FNBP1: variants seen among roughly 807,000 people sequenced by gnomAD.
The protein encoded by FNBP1 is formin-binding protein 1.
A neutral mutation model predicts 90.6 loss-of-function variants in FNBP1; 26 were observed. The ratio of observed to expected loss-of-function variants is 0.29; its 90% CI spans 0.21 to 0.40. The LOEUF (loss-of-function observed/expected upper bound fraction) is 0.40. FNBP1 is among the 10% of genes least tolerant of loss of function. FNBP1 has a pLI of 1.00. For synonymous variants in FNBP1, 260 were observed against 265.2 expected (o/e 0.98, Z 0.19); for missense variants, 635 against 768.0 (o/e 0.83, Z 2.05).
intron 1 of FNBP1, among the ~76,000 whole-genome samples, chr9:130,034,983 C>CA (rs1293086573): frequency 2.6e-5 from 4 of 151,682 alleles, no homozygotes; most frequent in Non-Finnish European, 5.9e-5. Context: ...CCCGTCTCTA[C>CA]AAAAAAAATA....
chr9:130,037,046 A>AAC (rs1444841442), intron 1 of FNBP1, among the ~76,000 whole-genome samples: 1 of 147,188 alleles, frequency 6.8e-6, no homozygotes, highest in African/African-American at 2.5e-5. Context: ...CTCCATCTCA[A>AAC]AAAAAAAAAA....
At chr9:129,977,837 A>G (rs187386572) in intron 4 of FNBP1, among the ~76,000 whole-genome samples, 5 of 151,996 alleles carry the variant, frequency 3.3e-5, no homozygotes, top group Admixed American at 2.6e-4. Context: ...AGCATACACC[A>G]TATTATATTA....
intron 1 of FNBP1, among the ~76,000 whole-genome samples, chr9:130,032,460 C>T (rs930817181): frequency 2.0e-5 from 3 of 152,252 alleles, no homozygotes; most frequent in East Asian, 1.9e-4. Flanking sequence ...TATGAGCCAC[C>T]GTGCCTGGCC....
At chr9:129,956,965 A>T (rs1554814742) in intron 6 of FNBP1, among the ~76,000 whole-genome samples, 1 of 152,102 alleles carries the variant, frequency 6.6e-6, no homozygotes, top group Non-Finnish European at 1.5e-5. Flanking sequence ...CTACATTAGA[A>T]ATGAGAACTT....
chr9:129,923,985 G>A lies in FNBP1; in HGVS notation c.1029C>T (p.Pro343=), dbSNP rs2041508275. The change falls in exon 10 of 17, where the codon CCC becomes CCT. Residue 343 remains proline (P), a synonymous_variant. Coordinates refer to ENST00000446176, the MANE Select transcript of FNBP1 (RefSeq NM_015033.3). ...LLTSPHQPPP[P]PPASASPSAV... ...CAGAGGGTGAGGCAGAGGCAGGAGG[G>A]GGAGGGGGAGGCTGATGGGGGGATG... 5 of 1,527,890 alleles carry A rather than the reference G, an allele frequency of 3.3e-6. No homozygotes were observed. Among genetic ancestry groups the A allele is most frequent in the Non-Finnish European group, 4.4e-6 (5 of 1,138,984 alleles). 94.6% of individuals were successfully genotyped at this position (1,527,890 alleles called of 1,614,324 possible). A position where few individuals can be genotyped will look rare whatever the true frequency, so the allele number is the denominator to read the frequency against.
chr9:129,912,675 A>C (rs1473539501), intron 11 of FNBP1, among the ~76,000 whole-genome samples: 3 of 136,622 alleles, frequency 2.2e-5, no homozygotes, highest in Admixed American at 8.1e-5. Context: ...GGACAACATG[A>C]GTAAAACTCC....
At chr9:130,029,295 G>A (rs1204579874) in intron 1 of FNBP1, among the ~76,000 whole-genome samples, 1 of 151,876 alleles carries the variant, frequency 6.6e-6, no homozygotes, top group African/African-American at 2.4e-5. Flanking sequence ...CTAATTTTTT[G>A]TAGAGATGGA....
intron 4 of FNBP1, among the ~76,000 whole-genome samples, chr9:129,973,646 G>A (rs1259628440): frequency 1.4e-5 from 2 of 146,696 alleles, no homozygotes; most frequent in East Asian, 4.1e-4. Flanking sequence ...GACTACAGGC[G>A]CCCGCCACCA....
In FNBP1 at chr9:129,927,315, C is replaced by T. The variant is rs767860839; in HGVS notation, c.669G>A (p.Arg223=). ...TCATGGACTCTCCCATTCTCACAATCCTCCTTTCCTCCATCTCTTGTATTT... is the reference window on the plus strand; with the variant it reads ...TCATGGACTCTCCCATTCTCACAATTCTCCTTTCCTCCATCTCTTGTATTT... The part of the protein sequence containing the change: ...FQKIQEMEER[R]IVRMGESMKT... Residue 223 remains arginine, a synonymous_variant, in exon 8 of 17, where the codon AGG becomes AGA. Transcript: ENST00000446176. 6.2e-7 allele frequency: 1 copy of T among 1,612,586 alleles called. No individual in the cohort carries two copies.
chr9:130,026,133 C>T (rs537425384), intron 1 of FNBP1, among the ~76,000 whole-genome samples: 4 of 152,072 alleles, frequency 2.6e-5, no homozygotes, highest in South Asian at 4.1e-4. Flanking sequence ...ATGAACCAAG[C>T]AGTCTAGCTC....
intron 6 of FNBP1, among the ~76,000 whole-genome samples, chr9:129,934,244 T>C (rs541388269): frequency 5.9e-5 from 9 of 152,312 alleles, no homozygotes; most frequent in Non-Finnish European, 5.9e-5. Flanking sequence ...ATTCTTTCAA[T>C]TAAATTAAAT....
rs2047180098 is a variant in FNBP1 at position 129,957,791 on chromosome 9, A to C, written c.409-327T>G. Among the ~76,000 whole-genome samples, 1 of 151,132 alleles carries C rather than the reference A, an allele frequency of 6.6e-6. No individual in the cohort carries two copies. The highest frequency in any genetic ancestry group is 2.1e-4 in the South Asian group (1 of 4,764). On this transcript the variant is annotated intron_variant, in intron 5 of 16. Transcript: ENST00000446176. The surrounding 1 kb of genome is among the most constrained non-coding windows in gnomAD (Gnocchi z 4.3). ...TGGTCTTGAGCTTCTGAGCTCAAGCAATCCTCCCGCCTCTGCCTCCCAAAT... is the reference window on the plus strand; with the variant it reads ...TGGTCTTGAGCTTCTGAGCTCAAGCCATCCTCCCGCCTCTGCCTCCCAAAT...
chr9:130,004,578 G>T (rs893982895), intron 1 of FNBP1, among the ~76,000 whole-genome samples: 1 of 152,172 alleles, frequency 6.6e-6, no homozygotes, highest in African/African-American at 2.4e-5. Context: ...GACTTAAATG[G>T]CTCTGTTTAA....
chr9:129,957,255 C>G lies in FNBP1; in HGVS notation c.513+105G>C. 1 of 765,358 alleles carries G rather than the reference C, an allele frequency of 1.3e-6. No homozygotes were observed. The highest frequency in any genetic ancestry group is 2.4e-5 in the Admixed American group (1 of 41,302). 47.4% of individuals were successfully genotyped at this position (765,358 alleles called of 1,614,324 possible). ...GTTTCACCATCTTGGCCAGGCTGGT[C>G]TCGAACTCCTGGCCTCAGGTGATCC... On this transcript the variant is annotated intron_variant, in intron 6 of 16. Transcript: ENST00000446176. The surrounding 1 kb of genome is among the most constrained non-coding windows in gnomAD (Gnocchi z 4.3).
At chr9:129,908,523 C>T (rs1349599654) in intron 12 of FNBP1, among the ~76,000 whole-genome samples, 3 of 147,424 alleles carry the variant, frequency 2.0e-5, no homozygotes, top group African/African-American at 7.5e-5. Context: ...AATTTCTTTT[C>T]TTTTAATTTT....
chr9:129,888,259 T>G lies in FNBP1; in HGVS notation c.*2280A>C, dbSNP rs891666264. The G allele has an allele frequency of 4.3e-6, 1 of 232,382 alleles. No individual in the cohort carries two copies. The highest frequency in any genetic ancestry group is 2.2e-5 in the African/African-American group (1 of 45,298). 14.4% of individuals were successfully genotyped at this position (232,382 alleles called of 1,614,324 possible). A position where few individuals can be genotyped will look rare whatever the true frequency, so the allele number is the denominator to read the frequency against. On this transcript the variant is annotated 3_prime_UTR_variant, in exon 17 of 17. Coordinates refer to ENST00000446176, the MANE Select transcript of FNBP1 (RefSeq NM_015033.3). Reference sequence around the variant, plus strand: ...CATAATATGAAAGATGTGACGCACATGCATTCCCGAGGCTCTAAAATCCCA... The same window carrying G: ...CATAATATGAAAGATGTGACGCACAGGCATTCCCGAGGCTCTAAAATCCCA...
In FNBP1 at chr9:129,900,592, G is replaced by A. The variant is rs773087869; in HGVS notation, c.1429-45C>T. ...GAGACTCCAACCTAAGGCCATCTGA[G>A]GGTCAGCCCAGAGTGTCCTAAGGTC... On this transcript the variant is annotated intron_variant, in intron 13 of 16. Coordinates refer to ENST00000446176, the MANE Select transcript of FNBP1 (RefSeq NM_015033.3). This position sits in a 1 kb window ranked among gnomAD's most constrained non-coding sequence, Gnocchi z 4.1. The A allele has an allele frequency of 4.8e-6, 7 of 1,457,062 alleles. No homozygotes were observed. In the South Asian group the frequency reaches 8.8e-5, roughly 18 times the overall value. 90.3% of individuals were successfully genotyped at this position (1,457,062 alleles called of 1,614,324 possible).
At chr9:130,018,660 C>T (rs2057501328) in intron 1 of FNBP1, among the ~76,000 whole-genome samples, 2 of 152,038 alleles carry the variant, frequency 1.3e-5, no homozygotes, top group Admixed American at 1.3e-4. Flanking sequence ...CCAGGCTGGT[C>T]TCGAACTCCT....
intron 6 of FNBP1, among the ~76,000 whole-genome samples, chr9:129,954,993 C>T (rs10733705): frequency 0.92 from 138,169 of 149,394 alleles, 63,510 homozygotes; most frequent in African/African-American, 0.95. Flanking sequence ...AAACTTCGTC[C>T]CAAAAAAAAA....
Sources: gnomAD v4.1 joint callset for allele counts (sites outside exome capture counted in the v4.1 genomes callset) on GRCh38, gnomAD v4.1.1 for gene constraint, Gnocchi (gnomAD v3.1) non-coding constraint, MANE v1.5 for transcripts, NCBI Gene and HGNC (gene_info 2026-07-23, HGNC 2026-07-21) for gene names.